The following OLFML2B variants were observed in gnomAD, a reference collection of about 807,000 sequenced individuals.
OLFML2B encodes olfactomedin like 2B.
OLFML2B carries 57 observed loss-of-function variants against 74.9 expected under a neutral mutation model. That is an observed-to-expected ratio of 0.76 (90% CI 0.61 to 0.95). OLFML2B has a LOEUF of 0.95. OLFML2B is among the 40% of genes least tolerant of loss of function. The pLI is 0.00. For synonymous variants in OLFML2B, 388 were observed against 405.8 expected, an observed-to-expected ratio of 0.96 and a Z score of 0.53; for missense variants, 986 against 970.6, an observed-to-expected ratio of 1.02 and a Z score of -0.21.
Position 161,984,536 on chromosome 1 carries a change from T to C in OLFML2B, c.1652-260A>G, listed in dbSNP as rs1336021553. On this transcript the variant is annotated intron_variant, in intron 7 of 7. Transcript: ENST00000294794. ...ATATACATGAATGTGGTTCATAAAT[T>C]GTCAAGGGCTATGGGAAAGGGAGCC... Among the ~76,000 whole-genome samples the C allele has an allele frequency of 1.3e-5, 2 of 152,124 alleles. 1 individual carries two copies. The highest frequency in any genetic ancestry group is 4.1e-4 in the South Asian group (2 of 4,824).
chr1:161,987,020 T>G (rs920283288), intron 6 of OLFML2B, among the ~76,000 whole-genome samples: 1 of 152,202 alleles, frequency 6.6e-6, no homozygotes, highest in South Asian at 2.1e-4. Context: ...GGGTTCCGTC[T>G]CACACCAAGG....
At position 162,023,416 on chromosome 1, in the gene OLFML2B, C is replaced by T; in HGVS notation, c.15G>A (p.Arg5=). 1.3e-6 allele frequency: 2 copies of T among 1,571,490 alleles called. No individual in the cohort carries two copies. The highest frequency in any genetic ancestry group is 8.7e-7 in the Non-Finnish European group (1 of 1,155,070). The change falls in exon 1 of 8, where the codon CGG becomes CGA. Residue 5 remains arginine (R), a synonymous_variant. Coordinates refer to ENST00000294794, the MANE Select transcript of OLFML2B (RefSeq NM_015441.3). The part of the protein sequence containing the change: MAKP[R]LLVLYFALIV... Reference sequence around the variant, plus strand: ...TCAGAGCGAAGTAGAGAACTAGCAGCCGAGGCTTGGCCATGAGGGGCGCGA... The same window carrying T: ...TCAGAGCGAAGTAGAGAACTAGCAGTCGAGGCTTGGCCATGAGGGGCGCGA...
At position 161,997,974 on chromosome 1, in the gene OLFML2B, G is replaced by A; in HGVS notation, c.1325C>T (p.Ala442Val). Residue 442 changes from alanine (A) to valine (V), a missense_variant, in exon 6 of 8, where the codon GCA (alanine) becomes GTA (valine). Ala to Val is a moderately conservative substitution (Grantham distance 64, BLOSUM62 0). Transcript: ENST00000294794. ...GACTGTGTGCATAGCTTCCATCAAT[G>A]CCTCCCTGGGAGACACTGCCGGAGG... is the stretch of plus-strand genomic sequence containing the variant. Reference protein sequence around the residue: ...PAPPAVSPREALMEAMHTVPV... With the variant: ...PAPPAVSPREVLMEAMHTVPV... 1 of 1,614,202 alleles carries A rather than the reference G, an allele frequency of 6.2e-7. No individual in the cohort carries two copies. Among genetic ancestry groups the A allele is most frequent in the Non-Finnish European group, 8.5e-7 (1 of 1,180,038 alleles).
At chr1:162,022,621 C>T (rs1267986207) in intron 1 of OLFML2B, among the ~76,000 whole-genome samples, 1 of 152,132 alleles carries the variant, frequency 6.6e-6, no homozygotes, top group African/African-American at 2.4e-5. Flanking sequence ...TCAGAAAAAA[C>T]AAGTTTAAGT....
chr1:161,994,789 A>AT (rs11384985), intron 6 of OLFML2B, among the ~76,000 whole-genome samples: 98,722 of 151,746 alleles, frequency 0.65, 32,357 homozygotes, highest in Middle Eastern at 0.71. Context: ...TTGTTTTTGG[A>AT]TTTTTTTTGA....
rs1200916804 is a variant in OLFML2B at position 161,983,908 on chromosome 1, C to T, written c.2020G>A (p.Gly674Ser). 7 of 1,614,086 alleles carry T rather than the reference C, an allele frequency of 4.3e-6. No individual in the cohort carries two copies. The highest frequency in any genetic ancestry group is 4.2e-6 in the Non-Finnish European group (5 of 1,180,050). ...WRTGLRRNFY[G>S]NCFVICGVLY... ...ACCCCACAGATGACGAAGCAGTTGC[C>T]GTAGAAATTCCTCCGGAGCCCCGTG... The change falls in exon 8 of 8, where the codon GGC becomes AGC. Residue 674 changes from glycine to serine, a missense_variant. By Grantham distance (56) the Gly-to-Ser change is moderately conservative. Transcript: ENST00000294794.
Position 161,983,693 on chromosome 1 carries a change from A to T in OLFML2B, c.2235T>A (p.His745Gln). The T allele has an allele frequency of 1.2e-6, 2 of 1,609,752 alleles. No individual in the cohort carries two copies. Among genetic ancestry groups the T allele is most frequent in the Non-Finnish European group, 1.7e-6 (2 of 1,176,648 alleles). Residue 745 changes from histidine to glutamine, a missense_variant, in exon 8 of 8, where the codon CAT becomes CAA. Coordinates refer to ENST00000294794, the MANE Select transcript of OLFML2B (RefSeq NM_015441.3). ...AAGGGTGTCAGTAGGCAAAGATGAC[A>T]TGGTAAGTGACCTGGTGGCCATTGT... ...AWDNGHQVTY[H>Q]VIFAY is the part of the protein sequence containing the mutation.
chr1:162,008,520 G>C (rs16838271), intron 3 of OLFML2B, among the ~76,000 whole-genome samples: 7,818 of 152,222 alleles, frequency 0.051, 680 homozygotes, highest in African/African-American at 0.18. Flanking sequence ...CACCAAGCAT[G>C]TCAAAAAGCC....
chr1:162,006,955 A>G (rs1263019778), intron 3 of OLFML2B, among the ~76,000 whole-genome samples: 1 of 152,146 alleles, frequency 6.6e-6, no homozygotes, highest in Non-Finnish European at 1.5e-5. Flanking sequence ...ACAACAAAAA[A>G]CTACTCTGCC....
intron 3 of OLFML2B, among the ~76,000 whole-genome samples, chr1:162,013,915 C>T (rs1317913038): frequency 1.3e-5 from 2 of 151,496 alleles, no homozygotes; most frequent in African/African-American, 2.4e-5. Flanking sequence ...CACACACACA[C>T]ACACACACAC....
In OLFML2B at chr1:162,006,864, A is replaced by C. The variant is rs1386378722; in HGVS notation, c.547-391T>G. On this transcript the variant is annotated intron_variant, in intron 3 of 7. Coordinates refer to ENST00000294794, the MANE Select transcript of OLFML2B (RefSeq NM_015441.3). ...CACTCGCATCCCATACATCTGAACC[A>C]GTAGCTCAGTTAATGAAAGAGGGGC... 2.6e-5 allele frequency among the ~76,000 whole-genome samples: 4 copies of C among 152,136 alleles called. No homozygotes were observed. In the East Asian group the frequency reaches 5.8e-4, roughly 22 times the overall value.
intron 3 of OLFML2B, among the ~76,000 whole-genome samples, chr1:162,009,241 C>A (rs1167988639): frequency 6.6e-6 from 1 of 152,222 alleles, no homozygotes; most frequent in Non-Finnish European, 1.5e-5. Context: ...GACTCCTCAG[C>A]CAGGTCGATA....
At chr1:162,002,778 TGCCTGGG>T (rs1690116766) in intron 4 of OLFML2B, among the ~76,000 whole-genome samples, 1 of 152,218 alleles carries the variant, frequency 6.6e-6, no homozygotes, top group Non-Finnish European at 1.5e-5. Flanking sequence ...TGCTCGGCTG[TGCCTGGG>T]GCAGCCCCAA....
chr1:162,009,953 A>G (rs1195028833), intron 3 of OLFML2B, among the ~76,000 whole-genome samples: 3 of 152,204 alleles, frequency 2.0e-5, no homozygotes, highest in African/African-American at 7.2e-5. Context: ...CTCATGCCTC[A>G]GGCTCTTCCC....
Position 161,998,255 on chromosome 1 carries a change from C to T in OLFML2B, c.1044G>A (p.Arg348=), listed in dbSNP as rs1689978421. The T allele has an allele frequency of 1.9e-6, 3 of 1,610,936 alleles. No individual in the cohort carries two copies. Among genetic ancestry groups the T allele is most frequent in the Non-Finnish European group, 2.5e-6 (3 of 1,177,472 alleles). Reference sequence around the variant, plus strand: ...TGTGTCCCTGACGGGTGGCTGCAGGCCTCCGGGTGACACTGGTCATCAGGC... The same window carrying T: ...TGTGTCCCTGACGGGTGGCTGCAGGTCTCCGGGTGACACTGGTCATCAGGC... ...HNGLMTSVTR[R]PAATRQGHST... is the part of the protein sequence containing the mutation. Residue 348 remains arginine, a synonymous_variant, in exon 6 of 8, where the codon AGG becomes AGA. Transcript: ENST00000294794.
intron 3 of OLFML2B, among the ~76,000 whole-genome samples, chr1:162,015,984 T>A (rs1690523153): frequency 1.3e-5 from 2 of 152,194 alleles, no homozygotes; most frequent in South Asian, 4.1e-4. Context: ...AACAGCCTTA[T>A]TCAGAAAACA....
chr1:162,010,227 G>A (rs1468974868), intron 3 of OLFML2B, among the ~76,000 whole-genome samples: 1 of 152,176 alleles, frequency 6.6e-6, no homozygotes, highest in African/African-American at 2.4e-5. Flanking sequence ...TGATTCCTTG[G>A]GCCAGGCAGA....
At chr1:162,021,970 G>A (rs1407636453) in intron 1 of OLFML2B, among the ~76,000 whole-genome samples, 2 of 152,152 alleles carry the variant, frequency 1.3e-5, no homozygotes, top group Non-Finnish European at 2.9e-5. Flanking sequence ...GAGGAGGCTA[G>A]TGTTTGATAA....
At chr1:162,021,811 T>G (rs1190646980) in intron 1 of OLFML2B, among the ~76,000 whole-genome samples, 1 of 152,038 alleles carries the variant, frequency 6.6e-6, no homozygotes, top group Non-Finnish European at 1.5e-5. Flanking sequence ...ATTCCTTCCT[T>G]ACAGGAGGCT....
Sources: gnomAD v4.1 joint callset for allele counts (sites outside exome capture counted in the v4.1 genomes callset) on GRCh38, gnomAD v4.1.1 for gene constraint, MANE v1.5 for transcripts, NCBI Gene and HGNC (gene_info 2026-07-23, HGNC 2026-07-21) for gene names.